The following PRKAG2 variants were observed in gnomAD, a reference collection of about 807,000 sequenced individuals.
PRKAG2 encodes the protein protein kinase AMP-activated non-catalytic subunit gamma 2, also known as 5'-AMP-activated protein kinase subunit gamma-2.
In PRKAG2, 26 loss-of-function variants were observed where a neutral mutation model predicts 69.6. The ratio of observed to expected loss-of-function variants is 0.37; its 90% CI spans 0.27 to 0.52. The LOEUF (loss-of-function observed/expected upper bound fraction) is 0.52. Among genes scored for constraint, PRKAG2 ranks in the 20% least tolerant of loss-of-function variants. The pLI is 0.90. For synonymous variants in PRKAG2, 293 were observed against 285.0 expected, an observed-to-expected ratio of 1.03 and a Z score of -0.28; for missense variants, 557 against 740.0, an observed-to-expected ratio of 0.75 and a Z score of 2.87.
At chr7:151,710,227 T>C (rs1223605278) in intron 3 of PRKAG2, among the ~76,000 whole-genome samples, 1 of 152,068 alleles carries the variant, frequency 6.6e-6, no homozygotes, top group Admixed American at 6.5e-5. Context: ...CACTTCAGGA[T>C]TGAAACCAGA....
chr7:151,736,401 T>C (rs1365221687), intron 3 of PRKAG2: 5 of 911,178 alleles, frequency 5.5e-6, no homozygotes, highest in Non-Finnish European at 5.1e-6. Flanking sequence ...TTTTTTTTTT[T>C]TCTCCTTAAA....
intron 1 of PRKAG2, among the ~76,000 whole-genome samples, chr7:151,872,962 T>C (rs1251468893): frequency 1.3e-5 from 2 of 152,256 alleles, no homozygotes; most frequent in Non-Finnish European, 2.9e-5. Flanking sequence ...CCCCCATTAA[T>C]CTGGGATTTC....
intron 5 of PRKAG2, among the ~76,000 whole-genome samples, chr7:151,609,207 G>A (rs1448208266): frequency 5.9e-5 from 9 of 152,124 alleles, no homozygotes; most frequent in African/African-American, 2.2e-4. Flanking sequence ...TGCAAATACA[G>A]CAAACAACTG....
chr7:151,711,965 C>T (rs151321511), intron 3 of PRKAG2, among the ~76,000 whole-genome samples: 6 of 152,328 alleles, frequency 3.9e-5, no homozygotes, highest in East Asian at 3.9e-4. Flanking sequence ...ACCCAGAAGC[C>T]GCCCTCCTCT....
At chr7:151,792,470 T>G (rs1453370068) in intron 1 of PRKAG2, among the ~76,000 whole-genome samples, 1 of 152,256 alleles carries the variant, frequency 6.6e-6, no homozygotes, top group Admixed American at 6.5e-5. Flanking sequence ...CTAATTTGTG[T>G]ATTCTTGAAG....
chr7:151,806,175 C>T (rs1033386465), intron 1 of PRKAG2, among the ~76,000 whole-genome samples: 1 of 152,190 alleles, frequency 6.6e-6, no homozygotes, highest in Non-Finnish European at 1.5e-5. Context: ...GGCGACAGAG[C>T]GAGACTCCGT....
chr7:151,670,700 T>C (rs1831875676), intron 4 of PRKAG2, among the ~76,000 whole-genome samples: 1 of 152,214 alleles, frequency 6.6e-6, no homozygotes, highest in Admixed American at 6.5e-5. Context: ...AATTAGTAGA[T>C]ATTCACTGAC....
At chr7:151,853,440 G>A (rs769982932) in intron 1 of PRKAG2, among the ~76,000 whole-genome samples, 15 of 152,122 alleles carry the variant, frequency 9.9e-5, no homozygotes, top group South Asian at 2.1e-4. Flanking sequence ...CAGATATTAC[G>A]TTGAACTCTG....
chr7:151,560,967 G>GA (rs1251371554), intron 14 of PRKAG2, among the ~76,000 whole-genome samples: 2 of 152,090 alleles, frequency 1.3e-5, no homozygotes, highest in African/African-American at 4.8e-5. Flanking sequence ...ATAAATGAGG[G>GA]AAAGTAGCCA....
chr7:151,833,151 G>A (rs1231178433), intron 1 of PRKAG2, among the ~76,000 whole-genome samples: 1 of 152,228 alleles, frequency 6.6e-6, no homozygotes, highest in African/African-American at 2.4e-5. Context: ...AAGAGAATCA[G>A]GTGTGATCAG....
At chr7:151,686,791 C>T (rs1834810353) in intron 3 of PRKAG2, among the ~76,000 whole-genome samples, 1 of 152,204 alleles carries the variant, frequency 6.6e-6, no homozygotes, top group Non-Finnish European at 1.5e-5. Flanking sequence ...AGTAAGGTTT[C>T]AGGCTGCAGA....
intron 1 of PRKAG2, among the ~76,000 whole-genome samples, chr7:151,864,862 C>T (rs932258817): frequency 6.6e-6 from 1 of 152,086 alleles, no homozygotes; most frequent in Non-Finnish European, 1.5e-5. Flanking sequence ...TCCATACAGC[C>T]GTGGTGCTTG....
At chr7:151,743,776 G>C (rs1167830291) in intron 3 of PRKAG2, among the ~76,000 whole-genome samples, 3 of 152,330 alleles carry the variant, frequency 2.0e-5, no homozygotes, top group South Asian at 4.1e-4. Context: ...AGCATGTCCT[G>C]TTCCTGGAGG....
In PRKAG2 at chr7:151,859,306, C is replaced by T. The variant is rs532252014; in HGVS notation, c.114+17201G>A. Among the ~76,000 whole-genome samples, 204 of 152,348 alleles carry T rather than the reference C, an allele frequency of 1.3e-3. 6 individuals carry two copies. The South Asian group carries it at 0.034, about 26-fold the overall frequency. On this transcript the variant is annotated intron_variant, in intron 1 of 15. Transcript: ENST00000287878. Reference sequence around the variant, plus strand: ...CCCGCAAGCCAGTCCCTGCTGCACACGGTAGCGAAGGCGGAAAGCTGCGGC... The same window carrying T: ...CCCGCAAGCCAGTCCCTGCTGCACATGGTAGCGAAGGCGGAAAGCTGCGGC...
chr7:151,672,014 C>T lies in PRKAG2; in HGVS notation c.684+3406G>A, dbSNP rs114951669. On this transcript the variant is annotated intron_variant, in intron 4 of 15. Coordinates refer to ENST00000287878, the MANE Select transcript of PRKAG2 (RefSeq NM_016203.4). ...GGTGATAAATATACATAAAAGTTAC[C>T]ATTTGAACTTTTTTTTTTTTTTTTG... is the stretch of plus-strand genomic sequence containing the variant. 6.7e-3 allele frequency among the ~76,000 whole-genome samples: 1,011 copies of T among 151,692 alleles called. 20 individuals are homozygous for T. Among genetic ancestry groups the T allele is most frequent in the African/African-American group, 0.023 (970 of 41,334 alleles).
intron 4 of PRKAG2, among the ~76,000 whole-genome samples, chr7:151,671,766 A>G (rs1425043570): frequency 1.3e-5 from 2 of 152,240 alleles, no homozygotes; most frequent in Non-Finnish European, 2.9e-5. Flanking sequence ...GCTGTGAATG[A>G]CGCAGGTGAA....
At chr7:151,581,794 TATG>T (rs922448548) in intron 6 of PRKAG2, among the ~76,000 whole-genome samples, 32 of 152,158 alleles carry the variant, frequency 2.1e-4, no homozygotes, top group African/African-American at 7.2e-4. Flanking sequence ...AACACTCAAA[TATG>T]ATGATTATTA....
chr7:151,755,128 C>CG (rs1480045336), intron 3 of PRKAG2, among the ~76,000 whole-genome samples: 1 of 152,132 alleles, frequency 6.6e-6, no homozygotes, highest in Non-Finnish European at 1.5e-5. Flanking sequence ...TTATGTACAT[C>CG]GGCCGGTTAT....
intron 4 of PRKAG2, among the ~76,000 whole-genome samples, chr7:151,637,454 G>C (rs1288971044): frequency 6.6e-6 from 1 of 152,130 alleles, no homozygotes; most frequent in Non-Finnish European, 1.5e-5. Context: ...CGCAAAAGTG[G>C]TTCACAGACT....
Sources: allele counts gnomAD v4.1 joint callset (sites outside exome capture counted in the v4.1 genomes callset), GRCh38; gene constraint gnomAD v4.1.1; transcripts MANE v1.5; gene names NCBI Gene and HGNC (gene_info 2026-07-23, HGNC 2026-07-21).